BMPR1B: variants seen among roughly 807,000 people sequenced by gnomAD.
The protein encoded by BMPR1B is bone morphogenetic protein receptor type 1B.
BMPR1B carries 12 observed loss-of-function variants against 59.1 expected under a neutral mutation model. The observed-to-expected ratio is 0.20, with a 90% CI of 0.13 to 0.33. BMPR1B has a LOEUF of 0.33. BMPR1B is among the 10% of genes least tolerant of loss of function. BMPR1B has a pLI of 1.00. For synonymous variants in BMPR1B, 237 were observed against 207.3 expected (o/e 1.14, Z -1.23); for missense variants, 550 against 610.9 (o/e 0.90, Z 1.05).
At position 95,079,184 on chromosome 4, in the gene BMPR1B, C is replaced by T. The variant is rs115790250; in HGVS notation, c.-17-25224C>T. Among the ~76,000 whole-genome samples, 545 of 152,270 alleles carry T rather than the reference C, an allele frequency of 3.6e-3. 2 individuals are homozygous for T. The highest frequency in any genetic ancestry group is 0.034 in the Middle Eastern group (10 of 294). ...AGCAGAGATTTTACCAAATGGCAAT[C>T]GCAATAGAAAATACACACAATTGAG... On this transcript the variant is annotated intron_variant, in intron 3 of 12. Transcript: ENST00000515059.
intron 2 of BMPR1B, among the ~76,000 whole-genome samples, chr4:94,968,920 C>T (rs772543742): frequency 1.3e-5 from 2 of 152,142 alleles, no homozygotes; most frequent in Non-Finnish European, 2.9e-5. Flanking sequence ...CCTGTTTCTG[C>T]TGCCAGATTT....
At chr4:94,870,236 A>G (rs973126933) in intron 1 of BMPR1B, among the ~76,000 whole-genome samples, 12 of 152,096 alleles carry the variant, frequency 7.9e-5, no homozygotes, top group Non-Finnish European at 1.8e-4. Context: ...TCTTGCACTA[A>G]ACTTGGAATG....
At chr4:94,820,867 T>C (rs1360213355) in intron 1 of BMPR1B, among the ~76,000 whole-genome samples, 1 of 152,236 alleles carries the variant, frequency 6.6e-6, no homozygotes, top group Non-Finnish European at 1.5e-5. Flanking sequence ...TAACATATGT[T>C]GCTAAAATTA....
chr4:94,913,100 A>G (rs889702008), intron 2 of BMPR1B, among the ~76,000 whole-genome samples: 4 of 152,146 alleles, frequency 2.6e-5, no homozygotes, highest in Non-Finnish European at 2.9e-5. Flanking sequence ...CAATCCTCAG[A>G]TTGATGAATA....
chr4:94,926,916 G>C (rs1309547323), intron 2 of BMPR1B, among the ~76,000 whole-genome samples: 1 of 152,020 alleles, frequency 6.6e-6, no homozygotes, highest in African/African-American at 2.4e-5. Flanking sequence ...CTTATTAAAT[G>C]CATGTTTTTT....
intron 3 of BMPR1B, among the ~76,000 whole-genome samples, chr4:95,085,346 G>A (rs1729496657): frequency 6.6e-6 from 1 of 152,152 alleles, no homozygotes; most frequent in Admixed American, 6.5e-5. Context: ...GGAGTTGCTT[G>A]TGAAGTCGAG....
intron 1 of BMPR1B, among the ~76,000 whole-genome samples, chr4:94,810,844 G>T (rs184982581): frequency 5.1e-4 from 78 of 152,232 alleles, no homozygotes; most frequent in African/African-American, 1.7e-3. Context: ...ATACTGATTA[G>T]ATTAGTTTGG....
At chr4:95,044,276 T>G (rs1426377227) in intron 3 of BMPR1B, among the ~76,000 whole-genome samples, 1 of 152,242 alleles carries the variant, frequency 6.6e-6, no homozygotes, top group Non-Finnish European at 1.5e-5. Context: ...TATTGTGGCA[T>G]AGCTTTAAAC....
At chr4:94,813,003 T>G (rs1723876649) in intron 1 of BMPR1B, among the ~76,000 whole-genome samples, 1 of 152,114 alleles carries the variant, frequency 6.6e-6, no homozygotes, top group South Asian at 2.1e-4. Flanking sequence ...AGCTTTTTTT[T>G]TTTTTCTGGC....
chr4:95,014,418 C>G (rs1282439707), intron 3 of BMPR1B, among the ~76,000 whole-genome samples: 1 of 152,028 alleles, frequency 6.6e-6, no homozygotes, highest in African/African-American at 2.4e-5. Flanking sequence ...TATTTAGAAA[C>G]AATGAAAAAA....
intron 1 of BMPR1B, among the ~76,000 whole-genome samples, chr4:94,839,120 A>C (rs1439519175): frequency 1.5e-5 from 2 of 129,384 alleles, no homozygotes; most frequent in African/African-American, 3.0e-5. Flanking sequence ...CTGTGGTCTG[A>C]GAGATAGTTT....
At chr4:95,051,689 C>T in intron 3 of BMPR1B, 2 of 1,535,472 alleles carry the variant, frequency 1.3e-6, no homozygotes, top group Non-Finnish European at 1.7e-6. Context: ...ATTGACTGCT[C>T]TGCTGCTGCA....
chr4:94,793,511 A>G (rs1187486355), intron 1 of BMPR1B, among the ~76,000 whole-genome samples: 1 of 150,582 alleles, frequency 6.6e-6, no homozygotes, highest in Non-Finnish European at 1.5e-5. Flanking sequence ...AGCATGATTT[A>G]TAGTCCTTTG....
chr4:95,039,927 T>C (rs1463000174), intron 3 of BMPR1B, among the ~76,000 whole-genome samples: 1 of 152,184 alleles, frequency 6.6e-6, no homozygotes, highest in Non-Finnish European at 1.5e-5. Context: ...GTTTCTTTTA[T>C]TTGAAAATAC....
intron 3 of BMPR1B, among the ~76,000 whole-genome samples, chr4:95,072,186 A>G (rs1728360893): frequency 6.6e-6 from 1 of 152,178 alleles, no homozygotes. Flanking sequence ...AGAAAGGGTC[A>G]GCCTTTTTGT....
chr4:95,026,425 A>G lies in BMPR1B; in HGVS notation c.-18+30291A>G, dbSNP rs1161738626. Among the ~76,000 whole-genome samples, 4 of 151,886 alleles carry G rather than the reference A, an allele frequency of 2.6e-5. No homozygotes were observed. In the East Asian group the frequency reaches 5.8e-4, roughly 22 times the overall value. ...TCCATATTAAGCTTGGTTTTCCACC[A>G]TTTGTTATTCCGATTATTTTATATT... On this transcript the variant is annotated intron_variant, in intron 3 of 12. Coordinates refer to ENST00000515059, the MANE Select transcript of BMPR1B (RefSeq NM_001203.3).
chr4:94,796,929 G>T (rs1723215932), intron 1 of BMPR1B, among the ~76,000 whole-genome samples: 1 of 152,144 alleles, frequency 6.6e-6, no homozygotes, highest in Admixed American at 6.6e-5. Context: ...GTATGGAAGG[G>T]TATAGTTTGG....
intron 2 of BMPR1B, among the ~76,000 whole-genome samples, chr4:94,932,851 G>C (rs565577674): frequency 6.6e-6 from 1 of 152,210 alleles, no homozygotes; most frequent in African/African-American, 2.4e-5. Context: ...TATATCAACT[G>C]TTTGATGAGA....
At chr4:94,999,429 T>TGC (rs762690649) in intron 3 of BMPR1B, among the ~76,000 whole-genome samples, 2 of 142,212 alleles carry the variant, frequency 1.4e-5, no homozygotes, top group Admixed American at 6.9e-5. Context: ...GTGTTGTGCG[T>TGC]GTGTGTGTGT....
Sources: gnomAD v4.1 joint callset for allele counts (sites outside exome capture counted in the v4.1 genomes callset) on GRCh38, gnomAD v4.1.1 for gene constraint, MANE v1.5 for transcripts, NCBI Gene and HGNC (gene_info 2026-07-23, HGNC 2026-07-21) for gene names.